Variants in XRRA1 observed in about 807,000 individuals in gnomAD.
XRRA1 encodes X-ray radiation resistance-associated protein 1.
In XRRA1, 69 loss-of-function variants were observed where a neutral mutation model predicts 80.2. That is an observed-to-expected ratio of 0.86 (90% confidence interval 0.71 to 1.05). The LOEUF is 1.05. Among genes scored for constraint, XRRA1 ranks in the 50% least tolerant of loss-of-function variants. XRRA1 has a pLI of 0.00. For synonymous variants in XRRA1, 348 were observed against 389.9 expected (o/e 0.89, Z 1.27); for missense variants, 967 against 976.4 (o/e 0.99, Z 0.13).
chr11:74,940,912 C>T, intron 2 of XRRA1, 30 bp from the exon 3 acceptor site: 1 of 1,557,408 alleles, frequency 6.4e-7, no homozygotes. Context: ...AGCAAGGAAG[C>T]AGAAGAGTGA....
At position 74,851,186 on chromosome 11, in the gene XRRA1, TCAGCAGTGGAGGGAC is replaced by T; in HGVS notation, c.1267_1281del (p.Val423_Leu427del). On this transcript the variant is annotated inframe_deletion and splice_region_variant, in exon 14 of 19. Transcript: ENST00000684022. The stretch of plus-strand genomic sequence containing the variant: ...CCCAGTCGCTCCTGGAGGAAGCTCT[TCAGCAGTGGAGGGAC>T]CCCTGGTGCCATGATGGGAAAATAA... 6.2e-7 allele frequency: 1 copy of T among 1,612,178 alleles called. No homozygotes were observed. The highest frequency in any genetic ancestry group is 8.5e-7 in the Non-Finnish European group (1 of 1,179,044).
chr11:74,933,786 G>T lies in XRRA1; in HGVS notation c.351+15C>A. On this transcript the variant is annotated intron_variant, in intron 5 of 18. Transcript: ENST00000684022. ...TCTGGCTCACCCCAATCACATCTTT[G>T]CTGGCTGACCTCACCTTGGAGAACT... 6.4e-7 allele frequency: 1 copy of T among 1,574,320 alleles called. No individual in the cohort carries two copies. The highest frequency in any genetic ancestry group is 8.6e-7 in the Non-Finnish European group (1 of 1,159,126).
chr11:74,931,719 A>C (rs1248337634), intron 5 of XRRA1: 2 of 152,204 alleles, frequency 1.3e-5, no homozygotes, highest in East Asian at 3.8e-4. Flanking sequence ...AAATTTTATT[A>C]CAAACAATTA....
chr11:74,845,315 C>A (rs948814785), intron 15 of XRRA1, 44 bp from the exon 16 acceptor site: 8 of 1,552,026 alleles, frequency 5.2e-6, no homozygotes, highest in South Asian at 2.3e-5. Context: ...CTCATTCATT[C>A]ATTCATTCCA....
chr11:74,852,129 C>T (rs1294652321), intron 12 of XRRA1, 47 bp from the exon 13 acceptor site: 1 of 1,519,252 alleles, frequency 6.6e-7, no homozygotes, highest in African/African-American at 1.4e-5. Context: ...CACCCCTCAC[C>T]TCTACCCAGG....
In XRRA1 at chr11:74,908,860, A is replaced by T. The variant is rs78145628; in HGVS notation, c.657-1587T>A. Among the ~76,000 whole-genome samples, 6 of 152,332 alleles carry T rather than the reference A, an allele frequency of 3.9e-5. No homozygotes were observed. In the East Asian group the frequency reaches 1.2e-3, roughly 29 times the overall value. On this transcript the variant is annotated intron_variant, in intron 8 of 18. Transcript: ENST00000684022. ...ATCTCTTCGTGGCTGGATCTGTAAC[A>T]TAATTAGTAGCTATAGGCAGCCATG...
At chr11:74,860,704 C>A (rs1210685342) in intron 11 of XRRA1, among the ~76,000 whole-genome samples, 1 of 152,210 alleles carries the variant, frequency 6.6e-6, no homozygotes, top group Non-Finnish European at 1.5e-5. Context: ...GCAGTGTGAC[C>A]TTGCTGCTCC....
chr11:74,867,787 G>GGTCAAAAT (rs1362183204), intron 10 of XRRA1, among the ~76,000 whole-genome samples: 3 of 151,910 alleles, frequency 2.0e-5, no homozygotes, highest in Non-Finnish European at 4.4e-5. Flanking sequence ...GATTCTCCAA[G>GGTCAAAAT]GTCAAAATGA....
At position 74,848,209 on chromosome 11, in the gene XRRA1, G is replaced by T. The variant is rs768167272; in HGVS notation, c.1634C>A (p.Thr545Asn). 2 of 1,613,910 alleles carry T rather than the reference G, an allele frequency of 1.2e-6. No homozygotes were observed. The highest frequency in any genetic ancestry group is 1.7e-6 in the Non-Finnish European group (2 of 1,179,866). The part of the protein sequence containing the change: ...CSNSTVHSEE[T>N]LSHLSDTTVR... Reference sequence around the variant, plus strand: ...AGTTGTGTCACTCAGGTGGGACAGGGTCTCTTCACTATGCACAGTGGAGTT... The same window carrying T: ...AGTTGTGTCACTCAGGTGGGACAGGTTCTCTTCACTATGCACAGTGGAGTT... Residue 545 changes from threonine (T) to asparagine (N), a missense_variant, in exon 15 of 19, where the codon ACC becomes AAC. Coordinates refer to ENST00000684022, the MANE Select transcript of XRRA1 (RefSeq NM_001378157.1).
Position 74,921,276 on chromosome 11 carries a change from A to C in XRRA1, c.594T>G (p.Arg198=). 1 of 1,614,014 alleles carries C rather than the reference A, an allele frequency of 6.2e-7. No individual in the cohort carries two copies. The highest frequency in any genetic ancestry group is 8.5e-7 in the Non-Finnish European group (1 of 1,179,888). ...GGCCATTGCCTGTGAGGAGCAGGAC[A>C]CGGAGGTGTGGCAGAATCCCCAAAT... is the stretch of plus-strand genomic sequence containing the variant. The part of the protein sequence containing the change: ...ICDLGILPHL[R]VLLLTGNGLT... Residue 198 remains arginine, a synonymous_variant, in exon 8 of 19, where the codon CGT becomes CGG. Coordinates refer to ENST00000684022, the MANE Select transcript of XRRA1 (RefSeq NM_001378157.1).
At chr11:74,851,600 C>T (rs565088909) in intron 13 of XRRA1, among the ~76,000 whole-genome samples, 65 of 152,302 alleles carry the variant, frequency 4.3e-4, no homozygotes, top group African/African-American at 1.5e-3. Context: ...GGCTGCACCC[C>T]TCTGCAACTG....
At chr11:74,932,066 T>C (rs1195517913) in intron 5 of XRRA1, among the ~76,000 whole-genome samples, 1 of 152,232 alleles carries the variant, frequency 6.6e-6, no homozygotes, top group Non-Finnish European at 1.5e-5. Flanking sequence ...TGTCTATTTT[T>C]CTACTGGGTT....
At chr11:74,874,259 A>G (rs867679350) in intron 10 of XRRA1, among the ~76,000 whole-genome samples, 14 of 150,432 alleles carry the variant, frequency 9.3e-5, no homozygotes, top group South Asian at 4.2e-4. Flanking sequence ...AAAAAAAAAA[A>G]AAAGAAAGAA....
At position 74,930,022 on chromosome 11, in the gene XRRA1, T is replaced by G. The variant is rs1185143091; in HGVS notation, c.424+278A>C. Among the ~76,000 whole-genome samples, 9 of 152,220 alleles carry G rather than the reference T, an allele frequency of 5.9e-5. 1 individual carries two copies. Among genetic ancestry groups the G allele is most frequent in the Non-Finnish European group, 2.9e-5 (2 of 68,040 alleles). On this transcript the variant is annotated intron_variant, in intron 6 of 18. Coordinates refer to ENST00000684022, the MANE Select transcript of XRRA1 (RefSeq NM_001378157.1). ...AACATTTTTATACACCCATCTCATA[T>G]GAGCCTGCAAGGTATCCTGCAAGGG...
intron 10 of XRRA1, among the ~76,000 whole-genome samples, chr11:74,872,392 A>G (rs2045021609): frequency 6.6e-6 from 1 of 152,160 alleles, no homozygotes; most frequent in Non-Finnish European, 1.5e-5. Context: ...GCACCTTGAA[A>G]AACCACTTGA....
At chr11:74,864,913 GCAAT>G (rs1011244389) in intron 10 of XRRA1, among the ~76,000 whole-genome samples, 1 of 152,206 alleles carries the variant, frequency 6.6e-6, no homozygotes. Flanking sequence ...CCCTCCAGCT[GCAAT>G]CAGAGAACTA....
Position 74,921,156 on chromosome 11 carries a change from A to G in XRRA1, c.656+58T>C, listed in dbSNP as rs993723470. 5.6e-6 allele frequency: 9 copies of G among 1,594,910 alleles called. No homozygotes were observed. In the Admixed American group the frequency reaches 1.3e-4, roughly 24 times the overall value. On this transcript the variant is annotated intron_variant, in intron 8 of 18. Coordinates refer to ENST00000684022, the MANE Select transcript of XRRA1 (RefSeq NM_001378157.1). ...ATGGCACTTCAAGCTGCTATGGGCT[A>G]TTTCCTTGGATATTTGTACACAAAA... is the stretch of plus-strand genomic sequence containing the variant.
At chr11:74,925,699 CA>C (rs1380616013) in intron 7 of XRRA1, among the ~76,000 whole-genome samples, 2 of 152,078 alleles carry the variant, frequency 1.3e-5, no homozygotes, top group Admixed American at 1.3e-4. Flanking sequence ...GTAAGGCCTC[CA>C]AAAAAGTCAC....
chr11:74,930,137 G>T (rs1199658195), intron 6 of XRRA1, among the ~76,000 whole-genome samples, 163 bp downstream of exon 6: 3 of 152,158 alleles, frequency 2.0e-5, no homozygotes, highest in African/African-American at 7.2e-5. Flanking sequence ...GCCAGAGCAG[G>T]ACTGGAATCG....
Sources: gnomAD v4.1 joint callset for allele counts (sites outside exome capture counted in the v4.1 genomes callset) on GRCh38, gnomAD v4.1.1 for gene constraint, MANE v1.5 for transcripts, NCBI Gene and HGNC (gene_info 2026-07-23, HGNC 2026-07-21) for gene names.